Variants in NTRK3 observed in about 807,000 individuals in gnomAD.
NTRK3 encodes neurotrophic receptor tyrosine kinase 3.
NTRK3 carries 24 observed loss-of-function variants against 91.7 expected under a neutral mutation model. The ratio of observed to expected loss-of-function variants is 0.26; its 90% CI spans 0.19 to 0.37. The LOEUF is 0.37. Ranked by LOEUF, NTRK3 falls within the 10% of genes least tolerant of loss-of-function variation. The pLI is 1.00. For synonymous variants in NTRK3, 483 were observed against 404.0 expected, an observed-to-expected ratio of 1.20 and a Z score of -2.34; for missense variants, 880 against 1,068.9, an observed-to-expected ratio of 0.82 and a Z score of 2.46.
At chr15:88,194,753 G>A (rs954405590) in intron 3 of NTRK3, among the ~76,000 whole-genome samples, 5 of 152,142 alleles carry the variant, frequency 3.3e-5, no homozygotes, top group African/African-American at 1.2e-4. Context: ...TGGACTTGGG[G>A]GAAAATTCTG....
At chr15:88,135,308 G>C (rs2151194452) in exon 10 of NTRK3, 1 of 1,614,216 alleles carries the variant, frequency 6.2e-7, no homozygotes, top group Non-Finnish European at 8.5e-7. Context: ...AGCCAGTGCA[G>C]CGTTGGTGGG....
intron 13 of NTRK3, among the ~76,000 whole-genome samples, chr15:88,070,371 C>G (rs551567140): frequency 6.6e-6 from 1 of 151,952 alleles, no homozygotes; most frequent in South Asian, 2.1e-4. Flanking sequence ...GGAAGGCAAG[C>G]AGGGGCGGGC....
chr15:88,134,963 C>G, intron 10 of NTRK3, 138 bp downstream of exon 10: 2 of 1,049,096 alleles, frequency 1.9e-6, no homozygotes, highest in Non-Finnish European at 2.9e-6. Context: ...GGTGGTTGCA[C>G]ATGTTCCAGT....
intron 5 of NTRK3, among the ~76,000 whole-genome samples, chr15:88,160,864 G>A (rs140436808): frequency 3.3e-5 from 5 of 152,296 alleles, no homozygotes; most frequent in African/African-American, 7.2e-5. Context: ...AATGGTTTTC[G>A]AAGATGGGCT....
intron 17 of NTRK3, among the ~76,000 whole-genome samples, chr15:87,922,864 G>A (rs911896317): frequency 1.3e-5 from 2 of 152,000 alleles, no homozygotes; most frequent in Non-Finnish European, 2.9e-5. Context: ...TTGGAACATT[G>A]TTTCTTTCCT....
At chr15:88,256,380 A>T in exon 2 of NTRK3, 1 of 627,930 alleles carries the variant, frequency 1.6e-6, no homozygotes, top group Non-Finnish European at 2.8e-6. Context: ...GGGAGCCGCG[A>T]GGAGCGCCTA....
At chr15:88,034,065 G>A (rs1171056598) in intron 13 of NTRK3, among the ~76,000 whole-genome samples, 1 of 152,096 alleles carries the variant, frequency 6.6e-6, no homozygotes, top group Non-Finnish European at 1.5e-5. Flanking sequence ...AAGACCTAGA[G>A]CCTCTCCAGC....
chr15:87,983,024 G>A (rs1596520096), intron 14 of NTRK3, among the ~76,000 whole-genome samples: 1 of 152,204 alleles, frequency 6.6e-6, no homozygotes, highest in East Asian at 1.9e-4. Flanking sequence ...TATCTGAGAT[G>A]AGACTATTAC....
At chr15:87,861,328 C>G (rs2064517900) in exon 19 of NTRK3, 1 of 216,372 alleles carries the variant, frequency 4.6e-6, no homozygotes, top group Non-Finnish European at 9.3e-6. Flanking sequence ...GAAGTAGGTA[C>G]CAGCTGATTT....
chr15:87,880,870 G>A (rs1303656607), intron 17 of NTRK3, among the ~76,000 whole-genome samples: 2 of 152,218 alleles, frequency 1.3e-5, no homozygotes, highest in Non-Finnish European at 2.9e-5. Flanking sequence ...CTGATCTGCA[G>A]AACTTTAGCT....
chr15:88,116,379 G>T (rs1251056020), intron 13 of NTRK3, among the ~76,000 whole-genome samples: 1 of 151,816 alleles, frequency 6.6e-6, no homozygotes, highest in African/African-American at 2.4e-5. Context: ...CAGGTCAGGA[G>T]TTCGAGATCA....
At chr15:88,205,490 A>G (rs1190214678) in intron 3 of NTRK3, among the ~76,000 whole-genome samples, 1 of 152,170 alleles carries the variant, frequency 6.6e-6, no homozygotes, top group Non-Finnish European at 1.5e-5. Flanking sequence ...GATCTGCCAC[A>G]GATCTCTTCC....
chr15:87,868,315 A>G (rs1035063541), exon 19 of NTRK3: 1 of 227,656 alleles, frequency 4.4e-6, no homozygotes, highest in Admixed American at 5.7e-5. Context: ...TTGCCTCCGT[A>G]TGATTTTTAC....
chr15:87,864,892 T>C (rs2064622042), exon 19 of NTRK3: 1 of 225,068 alleles, frequency 4.4e-6, no homozygotes, highest in African/African-American at 2.2e-5. Context: ...CCTTCTCCAA[T>C]TTCACATCAT....
chr15:88,032,708 G>A, intron 14 of NTRK3, 149 bp downstream of exon 14: 5 of 906,224 alleles, frequency 5.5e-6, no homozygotes, highest in Non-Finnish European at 8.6e-6. Flanking sequence ...TATTCTTCAA[G>A]TTTTGAAACA....
At chr15:87,918,479 C>A (rs1045320766) in intron 17 of NTRK3, among the ~76,000 whole-genome samples, 22 of 152,198 alleles carry the variant, frequency 1.4e-4, no homozygotes, top group Admixed American at 1.1e-3. Context: ...AAGCTTCCTC[C>A]ATGACTTTGC....
At chr15:88,156,745 G>C (rs972118603) in intron 5 of NTRK3, among the ~76,000 whole-genome samples, 2 of 152,190 alleles carry the variant, frequency 1.3e-5, no homozygotes, top group Non-Finnish European at 2.9e-5. Flanking sequence ...TGCTGGCCTG[G>C]AGTGACAGCT....
intron 18 of NTRK3, 137 bp downstream of exon 19, chr15:87,880,133 T>C: frequency 9.3e-7 from 1 of 1,074,000 alleles, no homozygotes; most frequent in Non-Finnish European, 1.4e-6. Flanking sequence ...AGAAGCTCTC[T>C]GCTCCCACTA....
intron 3 of NTRK3, among the ~76,000 whole-genome samples, chr15:88,208,967 T>C (rs1286715988): frequency 1.3e-5 from 2 of 152,264 alleles, no homozygotes; most frequent in Middle Eastern, 3.4e-3. Flanking sequence ...GAGTGAGGCA[T>C]TGGACATACA....
Sources: allele counts gnomAD v4.1 joint callset (sites outside exome capture counted in the v4.1 genomes callset), GRCh38; gene constraint gnomAD v4.1.1; transcripts MANE v1.5; gene names NCBI Gene and HGNC (gene_info 2026-07-23, HGNC 2026-07-21).